Variants in GLT1D1 observed in about 807,000 individuals in gnomAD.
The protein encoded by GLT1D1 is glycosyltransferase 1 domain containing 1, also known as glycosyltransferase 1 domain-containing protein 1.
A neutral mutation model predicts 28.7 loss-of-function variants in GLT1D1; 21 were observed. The ratio of observed to expected loss-of-function variants is 0.73; its 90% CI spans 0.52 to 1.05. The LOEUF (loss-of-function observed/expected upper bound fraction) is 1.05. Ranked by LOEUF, GLT1D1 falls within the 50% of genes least tolerant of loss-of-function variation. GLT1D1 has a pLI of 0.00. For synonymous variants in GLT1D1, 147 were observed against 124.8 expected (o/e 1.18, Z -1.19); for missense variants, 343 against 330.6 (o/e 1.04, Z -0.29).
chr12:128,975,983 T>G (rs778604863), intron 7 of GLT1D1, among the ~76,000 whole-genome samples: 25 of 152,244 alleles, frequency 1.6e-4, no homozygotes, highest in Non-Finnish European at 3.2e-4. Context: ...ACGCTGGCAG[T>G]CGGGGTGATG....
At chr12:128,954,615 A>G (rs1877084751) in intron 6 of GLT1D1, among the ~76,000 whole-genome samples, 2 of 152,160 alleles carry the variant, frequency 1.3e-5, no homozygotes, top group South Asian at 2.1e-4. Flanking sequence ...ATTTGCAGTT[A>G]TAACAATTCC....
At chr12:128,899,773 A>T (rs1444560352) in intron 4 of GLT1D1, among the ~76,000 whole-genome samples, 1 of 152,048 alleles carries the variant, frequency 6.6e-6, no homozygotes, top group Admixed American at 6.6e-5. Context: ...GCTGGTCTCG[A>T]ACTACTGGCC....
rs765961494 is a variant in GLT1D1 at position 128,927,164 on chromosome 12, T to C, written c.376-18162T>C. ...GATTGTGGGTCCTGAAGTAAGTTGA[T>C]GTGCAGTAAACACTTATCTCATCTC... On this transcript the variant is annotated intron_variant, in intron 4 of 7. Transcript: ENST00000281703. 29 of 1,528,848 alleles carry C rather than the reference T, an allele frequency of 1.9e-5. No homozygotes were observed. In the South Asian group the frequency reaches 3.5e-4, roughly 18 times the overall value. The allele number at this position is 1,528,848 out of a possible 1,614,324, so 94.7% of individuals were successfully genotyped here.
intron 2 of GLT1D1, among the ~76,000 whole-genome samples, chr12:128,876,659 GA>G (rs1469313320): frequency 5.9e-5 from 9 of 152,204 alleles, no homozygotes; most frequent in African/African-American, 2.2e-4. Flanking sequence ...TTTTTCAAAA[GA>G]ATTCTTTTAC....
chr12:128,957,026 C>A (rs1877381299), intron 6 of GLT1D1, among the ~76,000 whole-genome samples: 1 of 152,202 alleles, frequency 6.6e-6, no homozygotes, highest in Non-Finnish European at 1.5e-5. Context: ...GGCTGTGGGG[C>A]ATCAGGCACA....
intron 4 of GLT1D1, 133 bp downstream of exon 6, chr12:128,915,122 G>A (rs964778523): frequency 1.3e-5 from 9 of 669,170 alleles, no homozygotes; most frequent in South Asian, 9.6e-5. Context: ...CTCTGTCTGC[G>A]GCTTCATGAG....
At chr12:128,949,419 T>A (rs755464655) in intron 6 of GLT1D1, among the ~76,000 whole-genome samples, 2 of 152,208 alleles carry the variant, frequency 1.3e-5, no homozygotes, top group African/African-American at 4.8e-5. Context: ...AAGGGTGCAT[T>A]TCATTAGAAT....
intron 7 of GLT1D1, among the ~76,000 whole-genome samples, chr12:128,973,375 TAG>T (rs1879419320): frequency 6.7e-6 from 1 of 148,726 alleles, no homozygotes. Context: ...TGTATTTTTG[TAG>T]AGACGGGGTT....
chr12:128,890,260 A>C (rs1868885996), intron 3 of GLT1D1, among the ~76,000 whole-genome samples: 1 of 152,202 alleles, frequency 6.6e-6, no homozygotes, highest in East Asian at 1.9e-4. Context: ...TGCGCAGCTC[A>C]TCAGAACACT....
At chr12:128,906,216 T>A (rs1297906937) in intron 4 of GLT1D1, among the ~76,000 whole-genome samples, 1 of 152,228 alleles carries the variant, frequency 6.6e-6, no homozygotes, top group Non-Finnish European at 1.5e-5. Flanking sequence ...GAAATATATG[T>A]TGTGGGAAGT....
At chr12:128,917,876 G>GATGTAA (rs1342175033) in intron 4 of GLT1D1, among the ~76,000 whole-genome samples, 1 of 152,208 alleles carries the variant, frequency 6.6e-6, no homozygotes, top group Admixed American at 6.5e-5. Flanking sequence ...TGTTAGTGGG[G>GATGTAA]ATGTAAATTA....
At chr12:128,981,003 A>C (rs889430077) in intron 7 of GLT1D1, among the ~76,000 whole-genome samples, 6 of 152,216 alleles carry the variant, frequency 3.9e-5, no homozygotes, top group African/African-American at 1.4e-4. Context: ...TGTCCAGCAG[A>C]TTCCCGATGC....
Position 128,915,367 on chromosome 12 carries a change from AT to A in GLT1D1, c.375+16095del, listed in dbSNP as rs111881790. On this transcript the variant is annotated intron_variant, in intron 4 of 7. Transcript: ENST00000281703. The stretch of plus-strand genomic sequence containing the variant: ...GAGAAAATATCAGAATATGCAACAC[AT>A]TTTTTTTTTTTTTTGAGATGGAGTC... Among the ~76,000 whole-genome samples, 1,064 of 143,546 alleles carry A rather than the reference AT, an allele frequency of 7.4e-3. 7 individuals are homozygous for A. The highest frequency in any genetic ancestry group is 0.016 in the African/African-American group (639 of 39,248). The allele number at this position is 143,546 out of a possible 152,430, so 94.2% of individuals were successfully genotyped here.
chr12:128,900,303 A>G (rs781521990), intron 4 of GLT1D1, among the ~76,000 whole-genome samples: 15 of 152,162 alleles, frequency 9.9e-5, no homozygotes, highest in Non-Finnish European at 1.9e-4. Flanking sequence ...GGTTGGGAGG[A>G]TCAAGGAACA....
chr12:128,909,235 G>T (rs2135878984), intron 4 of GLT1D1, among the ~76,000 whole-genome samples: 1 of 152,096 alleles, frequency 6.6e-6, no homozygotes, highest in Non-Finnish European at 1.5e-5. Context: ...GAAAAGAAAA[G>T]AAAAATTGTT....
intron 2 of GLT1D1, among the ~76,000 whole-genome samples, chr12:128,879,411 T>TTTCTTTCTTTCTTTCC (rs1956964601): frequency 1.0e-5 from 1 of 98,484 alleles, no homozygotes; most frequent in African/African-American, 4.4e-5. Flanking sequence ...TCTTTCTTTC[T>TTTCTTTCTTTCTTTCC]TTCTTTCTTT....
At chr12:128,941,905 C>CTTTTTTTTTTTTTTTTTTTTT (rs60663875) in intron 4 of GLT1D1, among the ~76,000 whole-genome samples, 122 of 75,320 alleles carry the variant, frequency 1.6e-3, no homozygotes, top group Admixed American at 2.5e-3. Flanking sequence ...CTCTCTCTCT[C>CTTTTTTTTTTTTTTTTTTTTT]TTTTTTTTTT....
chr12:128,853,686 C>CG, intron 1 of GLT1D1, 37 bp downstream of exon 1: 1 of 1,060,030 alleles, frequency 9.4e-7, no homozygotes, highest in Non-Finnish European at 1.1e-6. Flanking sequence ...AAGCCTGGGC[C>CG]GGGGGCCGGG....
At chr12:128,934,845 G>T (rs1407398667) in intron 4 of GLT1D1, among the ~76,000 whole-genome samples, 1 of 152,134 alleles carries the variant, frequency 6.6e-6, no homozygotes, top group Admixed American at 6.6e-5. Context: ...CTCAGTCTCT[G>T]TCATTCTCTT....
Sources: allele counts gnomAD v4.1 joint callset (sites outside exome capture counted in the v4.1 genomes callset), GRCh38; gene constraint gnomAD v4.1.1; transcripts MANE v1.5; gene names NCBI Gene and HGNC (gene_info 2026-07-23, HGNC 2026-07-21).